CHD9: variants seen among roughly 807,000 people sequenced by gnomAD.
CHD9 encodes the protein chromodomain helicase DNA binding protein 9, also known as ATP-dependent chromatin remodeler CHD9.
Under a neutral mutation model 316.1 loss-of-function variants are expected in CHD9, and 77 were observed. That is an observed-to-expected ratio of 0.24 (90% confidence interval 0.20 to 0.29). The LOEUF is 0.29. CHD9 is among the 10% of genes least tolerant of loss of function. The pLI is 1.00. For synonymous variants in CHD9, 1,129 were observed against 1,158.3 expected (o/e 0.97, Z 0.51); for missense variants, 2,763 against 3,438.1 (o/e 0.80, Z 4.91).
chr16:53,092,738 T>G (rs2083350184), intron 1 of CHD9, among the ~76,000 whole-genome samples: 1 of 152,168 alleles, frequency 6.6e-6, no homozygotes, highest in African/African-American at 2.4e-5. Flanking sequence ...AATTTAGATT[T>G]GACTTTTCCA....
Position 53,163,857 on chromosome 16 carries a change from T to C in CHD9, c.1452+6316T>C, listed in dbSNP as rs920808417. The stretch of plus-strand genomic sequence containing the variant: ...ATAGGTAAGACATATAGCATTTACA[T>C]TGTGCCAAGCACTGTTCTGAATACT... On this transcript the variant is annotated intron_variant, in intron 2 of 38. Coordinates refer to ENST00000447540, the MANE Select transcript of CHD9 (RefSeq NM_001308319.2). Among the ~76,000 whole-genome samples the C allele has an allele frequency of 5.3e-5, 8 of 152,350 alleles. No homozygotes were observed. In the Middle Eastern group the frequency reaches 0.014, roughly 261 times the overall value.
intron 1 of CHD9, among the ~76,000 whole-genome samples, chr16:53,135,066 G>C (rs760896635): frequency 9.2e-5 from 14 of 152,164 alleles, no homozygotes; most frequent in Non-Finnish European, 2.1e-4. Context: ...ATTCTAAGTG[G>C]AAACAGAATA....
At chr16:53,317,163 C>CAAAAAAAA (rs537619212) in intron 36 of CHD9, among the ~76,000 whole-genome samples, 10 of 81,734 alleles carry the variant, frequency 1.2e-4, no homozygotes, top group Admixed American at 1.6e-4. Flanking sequence ...AACTCCATCT[C>CAAAAAAAA]AAAAAAAAAA....
At chr16:53,308,037 C>T (rs1335463692) in intron 33 of CHD9, 84 bp downstream of exon 33, 7 of 1,180,342 alleles carry the variant, frequency 5.9e-6, no homozygotes, top group Non-Finnish European at 5.9e-6. Flanking sequence ...CCTGCTCTTA[C>T]TCTTCCTTCC....
At chr16:53,197,210 C>T (rs1348629607) in intron 2 of CHD9, among the ~76,000 whole-genome samples, 1 of 152,140 alleles carries the variant, frequency 6.6e-6, no homozygotes, top group African/African-American at 2.4e-5. Context: ...GTACCACTAC[C>T]ACCACTATAG....
chr16:53,181,819 C>T (rs570842950), intron 2 of CHD9, among the ~76,000 whole-genome samples: 14 of 152,250 alleles, frequency 9.2e-5, no homozygotes, highest in African/African-American at 2.6e-4. Context: ...GTGGCTCACA[C>T]CTGTAATCTC....
At chr16:53,080,578 C>T (rs2034935625) in intron 1 of CHD9, among the ~76,000 whole-genome samples, 1 of 152,156 alleles carries the variant, frequency 6.6e-6, no homozygotes, top group Non-Finnish European at 1.5e-5. Context: ...GAAGAGCTCC[C>T]ACAGTCTGTT....
At chr16:53,216,590 A>G (rs1188998240) in intron 3 of CHD9, among the ~76,000 whole-genome samples, 1 of 152,192 alleles carries the variant, frequency 6.6e-6, no homozygotes, top group Non-Finnish European at 1.5e-5. Flanking sequence ...ACCAATACCT[A>G]CCTGCCTTGC....
Position 53,324,858 on chromosome 16 carries a change from C to T in CHD9, c.8657C>T (p.Ser2886Leu). 2.5e-6 allele frequency: 4 copies of T among 1,606,436 alleles called. No individual in the cohort carries two copies. Among genetic ancestry groups the T allele is most frequent in the South Asian group, 1.1e-5 (1 of 89,856 alleles). ...DASSGSDSTS[S>L]SSEDSDSSNE... Reference sequence around the variant, plus strand: ...TCATCTGGATCTGATAGTACATCGTCGTCATCTGAGGATTCAGATTCTAGT... The same window carrying T: ...TCATCTGGATCTGATAGTACATCGTTGTCATCTGAGGATTCAGATTCTAGT... The change falls in exon 39 of 39, where the codon TCG becomes TTG. Residue 2886 changes from serine (S) to leucine (L), a missense_variant. Coordinates refer to ENST00000447540, the MANE Select transcript of CHD9 (RefSeq NM_001308319.2).
intron 29 of CHD9, among the ~76,000 whole-genome samples, chr16:53,294,190 AAT>A (rs1472080821): frequency 6.6e-6 from 1 of 152,186 alleles, no homozygotes; most frequent in African/African-American, 2.4e-5. Flanking sequence ...TCTTAAAAGG[AAT>A]AGAGTACATG....
intron 3 of CHD9, among the ~76,000 whole-genome samples, chr16:53,220,824 A>G (rs532516249): frequency 1.6e-4 from 24 of 152,090 alleles, no homozygotes; most frequent in Non-Finnish European, 3.1e-4. Flanking sequence ...CTGTCATGCT[A>G]TTACCACTGC....
chr16:53,296,897 G>GT (rs1424487716), intron 29 of CHD9, 59 bp from the exon 30 acceptor site: 1 of 1,048,434 alleles, frequency 9.5e-7, no homozygotes, highest in Non-Finnish European at 1.5e-6. Context: ...ATTATATTTA[G>GT]TATTAATATT....
intron 1 of CHD9, among the ~76,000 whole-genome samples, chr16:53,137,014 G>A (rs776371041): frequency 4.6e-5 from 7 of 150,684 alleles, no homozygotes; most frequent in African/African-American, 7.3e-5. Context: ...TTGCTCTGTC[G>A]CCAGGCTGGA....
intron 1 of CHD9, among the ~76,000 whole-genome samples, chr16:53,130,109 A>G (rs915701277): frequency 6.6e-6 from 1 of 152,178 alleles, no homozygotes; most frequent in Admixed American, 6.5e-5. Context: ...AGCCTCGGGA[A>G]GACAGGGTTG....
intron 1 of CHD9, among the ~76,000 whole-genome samples, chr16:53,113,895 T>C (rs1360028307): frequency 6.6e-6 from 1 of 151,982 alleles, no homozygotes; most frequent in Non-Finnish European, 1.5e-5. Context: ...TATTTAGAGA[T>C]AGGAGTCTTG....
At chr16:53,236,975 C>CA (rs1567535221) in intron 11 of CHD9, among the ~76,000 whole-genome samples, 1 of 151,966 alleles carries the variant, frequency 6.6e-6, no homozygotes, top group Non-Finnish European at 1.5e-5. Context: ...CGTGCCTTCA[C>CA]GGGGAGTCCC....
At chr16:53,260,115 C>A (rs554214582) in intron 19 of CHD9, among the ~76,000 whole-genome samples, 4 of 152,270 alleles carry the variant, frequency 2.6e-5, no homozygotes, top group African/African-American at 4.8e-5. Context: ...TTTTAACATA[C>A]TTATTTTATA....
At chr16:53,084,303 G>T (rs2035277674) in intron 1 of CHD9, among the ~76,000 whole-genome samples, 2 of 152,184 alleles carry the variant, frequency 1.3e-5, no homozygotes, top group African/African-American at 4.8e-5. Context: ...TCTTAAGGTT[G>T]ACTCAAATGT....
rs2057570844 is a variant in CHD9 at position 53,327,143 on chromosome 16, G to A, written c.*2248G>A. The A allele has an allele frequency of 6.6e-6, 1 of 152,400 alleles. No homozygotes were observed. Among genetic ancestry groups the A allele is most frequent in the South Asian group, 2.1e-4 (1 of 4,824 alleles). 9.4% of individuals were successfully genotyped at this position (152,400 alleles called of 1,614,324 possible). The stretch of plus-strand genomic sequence containing the variant: ...CAGCTAAGAAAACACATGCAAATAT[G>A]GTTGTGTAAAGTTAAGGGTTATAAG... On this transcript the variant is annotated 3_prime_UTR_variant, in exon 39 of 39. Coordinates refer to ENST00000447540, the MANE Select transcript of CHD9 (RefSeq NM_001308319.2).
Sources: gnomAD v4.1 joint callset for allele counts (sites outside exome capture counted in the v4.1 genomes callset) on GRCh38, gnomAD v4.1.1 for gene constraint, MANE v1.5 for transcripts, NCBI Gene and HGNC (gene_info 2026-07-23, HGNC 2026-07-21) for gene names.